The following MILR1 variants were observed in gnomAD, a reference collection of about 807,000 sequenced individuals.
MILR1 encodes mast cell immunoglobulin like receptor 1.
MILR1 carries 31 observed loss-of-function variants against 18.5 expected under a neutral mutation model. The observed-to-expected ratio is 1.68, with a 90% CI of 1.26 to 2.26. MILR1 has a LOEUF of 2.26. Among genes scored for constraint, MILR1 ranks in the 30% most tolerant of loss-of-function variants. MILR1 has a pLI of 0.00. For synonymous variants in MILR1, 85 were observed against 56.2 expected (o/e 1.51, Z -2.30); for missense variants, 257 against 157.4 (o/e 1.63, Z -3.38).
the MILR1 span, chr17:64,477,637 G>T: frequency 6.0e-6 from 4 of 667,214 alleles, 1 homozygote; most frequent in Admixed American, 1.5e-4. Flanking sequence ...CAGTATAGTA[G>T]ATTTTTGTTT....
the MILR1 span, among the ~76,000 whole-genome samples, chr17:64,493,816 AAAT>A: frequency 6.6e-6 from 1 of 152,328 alleles, no homozygotes; most frequent in East Asian, 1.9e-4. Context: ...AAAGTTGAAA[AAAT>A]AATAAACATC....
the MILR1 span, among the ~76,000 whole-genome samples, chr17:64,475,156 AGACT>A: frequency 2.0e-5 from 3 of 151,556 alleles, no homozygotes; most frequent in Non-Finnish European, 4.4e-5. Context: ...ACTGCACTCC[AGACT>A]GTGTGACAGA....
chr17:64,491,851 C>A, the MILR1 span: 6,102 of 326,070 alleles, frequency 0.019, 379 homozygotes, highest in African/African-American at 0.13. Context: ...ATAAGCAACA[C>A]AATCTCGATT....
chr17:64,451,148 T>C (rs903084816), intron 2 of MILR1, among the ~76,000 whole-genome samples: 9 of 148,694 alleles, frequency 6.1e-5, no homozygotes, highest in Admixed American at 2.7e-4. Context: ...TTTTTTTTTT[T>C]CTTTCTTTCT....
At chr17:64,493,610 G>A in the MILR1 span, among the ~76,000 whole-genome samples, 6 of 151,648 alleles carry the variant, frequency 4.0e-5, no homozygotes, top group South Asian at 6.2e-4. Flanking sequence ...TCAGCCTCCC[G>A]AGTAGCTGGG....
the MILR1 span, among the ~76,000 whole-genome samples, chr17:64,484,462 C>T: frequency 2.0e-5 from 3 of 152,242 alleles, no homozygotes; most frequent in Admixed American, 6.5e-5. Flanking sequence ...AAGAGGGCTT[C>T]GGTTTTTCCT....
the MILR1 span, among the ~76,000 whole-genome samples, chr17:64,477,474 G>A: frequency 6.6e-6 from 1 of 152,130 alleles, no homozygotes; most frequent in Admixed American, 6.6e-5. Flanking sequence ...CTAAGATCCC[G>A]AAGCAACAAT....
At chr17:64,491,675 C>T in the MILR1 span, 17 of 1,241,082 alleles carry the variant, frequency 1.4e-5, no homozygotes, top group African/African-American at 1.2e-4. Flanking sequence ...AGTACATCAA[C>T]GTGAAGAAGG....
chr17:64,492,102 T>C, the MILR1 span, among the ~76,000 whole-genome samples: 11 of 152,224 alleles, frequency 7.2e-5, no homozygotes, highest in African/African-American at 2.7e-4. Context: ...AAGTTAACCA[T>C]GACTAAAGTG....
At chr17:64,453,496 A>C (rs2037220408) in intron 3 of MILR1, among the ~76,000 whole-genome samples, 1 of 151,042 alleles carries the variant, frequency 6.6e-6, no homozygotes, top group Admixed American at 6.6e-5. Context: ...TCTTTTCTAG[A>C]AACTTTATTC....
chr17:64,472,275 T>C (rs1366304531), downstream of MILR1, among the ~76,000 whole-genome samples: 3 of 151,798 alleles, frequency 2.0e-5, no homozygotes, highest in Non-Finnish European at 4.4e-5. Context: ...GAGACCAGCC[T>C]GTCCAACACG....
the MILR1 span, among the ~76,000 whole-genome samples, chr17:64,486,612 C>A: frequency 2.6e-5 from 4 of 152,164 alleles, no homozygotes; most frequent in Non-Finnish European, 5.9e-5. Context: ...GATCAGCCCA[C>A]CTCAGCCTCC....
In MILR1 at chr17:64,466,431, T is replaced by G. The variant is rs960670004; in HGVS notation, c.854-11T>G. ...CACCAACCCCCAATTTATGTCATTCTCATTTTACAGAGGAGGAATCTGTGC... is the reference window on the plus strand; with the variant it reads ...CACCAACCCCCAATTTATGTCATTCGCATTTTACAGAGGAGGAATCTGTGC... On this transcript the variant is annotated splice_polypyrimidine_tract_variant and intron_variant, in intron 6 of 9. Transcript: ENST00000619286. 3.1e-6 allele frequency: 5 copies of G among 1,612,460 alleles called. No homozygotes were observed. The Admixed American group carries it at 6.7e-5, about 22-fold the overall frequency.
intron 4 of MILR1, 138 bp downstream of exon 4, chr17:64,457,822 G>A: frequency 4.5e-6 from 2 of 446,258 alleles, no homozygotes; most frequent in Non-Finnish European, 7.9e-6. Context: ...AAGGTAGAAG[G>A]ATAGAAGGAA....
chr17:64,475,885 C>CT, the MILR1 span, among the ~76,000 whole-genome samples: 2 of 144,698 alleles, frequency 1.4e-5, no homozygotes, highest in African/African-American at 5.1e-5. Flanking sequence ...GCGATCTTGG[C>CT]TCACTGCAAC....
chr17:64,470,889 C>T (rs542666162), downstream of MILR1, among the ~76,000 whole-genome samples: 4 of 152,272 alleles, frequency 2.6e-5, no homozygotes, highest in African/African-American at 9.6e-5. Context: ...TAGCATTGCC[C>T]CAAACCTTTC....
the MILR1 span, among the ~76,000 whole-genome samples, chr17:64,476,264 A>C: frequency 1.3e-5 from 2 of 152,346 alleles, no homozygotes; most frequent in Middle Eastern, 3.4e-3. Context: ...CACCCAACAA[A>C]ATTGTAAATA....
chr17:64,452,068 T>C (rs1461029615), intron 2 of MILR1, among the ~76,000 whole-genome samples: 4 of 150,340 alleles, frequency 2.7e-5, no homozygotes, highest in Admixed American at 6.7e-5. Context: ...AAGCCATCCA[T>C]TGGTCCCAGC....
chr17:64,491,000 A>G, the MILR1 span: 10 of 1,528,482 alleles, frequency 6.5e-6, no homozygotes, highest in Non-Finnish European at 9.1e-6. Context: ...TTGTCTTAAC[A>G]TATTTAAATA....
Sources: allele counts gnomAD v4.1 joint callset (sites outside exome capture counted in the v4.1 genomes callset), GRCh38; gene constraint gnomAD v4.1.1; transcripts MANE v1.5; gene names NCBI Gene and HGNC (gene_info 2026-07-23, HGNC 2026-07-21).